ENGASE: variants seen among roughly 807,000 people sequenced by gnomAD.
The protein encoded by ENGASE is cytosolic endo-beta-N-acetylglucosaminidase.
ENGASE carries 69 observed loss-of-function variants against 78.5 expected under a neutral mutation model. The observed-to-expected ratio is 0.88, with a 90% CI of 0.72 to 1.07. The LOEUF (loss-of-function observed/expected upper bound fraction) is 1.07, where lower values mean the gene tolerates loss of function less well. Ranked by LOEUF, ENGASE falls within the 50% of genes least tolerant of loss-of-function variation. The probability of loss-of-function intolerance (pLI) is 0.00; values close to 1 mark genes in which losing one functional copy is unlikely to be tolerated. For synonymous variants in ENGASE, 408 were observed against 408.9 expected (o/e 1.00, Z 0.03); for missense variants, 943 against 988.4 (o/e 0.95, Z 0.62).
intron 5 of ENGASE, among the ~76,000 whole-genome samples, 180 bp downstream of exon 5, chr17:79,080,544 G>A (rs987813000): frequency 5.3e-5 from 8 of 152,246 alleles, no homozygotes; most frequent in African/African-American, 1.9e-4. Context: ...CAGTGAGACA[G>A]AATCTCCTCC....
rs957005218 is a variant in ENGASE at position 79,077,706 on chromosome 17, C to T, written c.258C>T (p.Tyr86=). Residue 86 remains tyrosine (Y), a synonymous_variant, in exon 3 of 14, where the codon TAC becomes TAT. Transcript: ENST00000579016. Reference sequence around the variant, plus strand: ...ACACCACCAAACCAATCAGCTTTTACTTGTCTTCGCTGGAGGAGCTCTTGG... The same window carrying T: ...ACACCACCAAACCAATCAGCTTTTATTTGTCTTCGCTGGAGGAGCTCTTGG... The part of the protein sequence containing the change: ...DKDTTKPISF[Y]LSSLEELLAW... 6.2e-7 allele frequency: 1 copy of T among 1,614,116 alleles called. No individual in the cohort carries two copies. The highest frequency in any genetic ancestry group is 1.3e-5 in the African/African-American group (1 of 74,956).
rs2073302002 is a variant in ENGASE at position 79,086,179 on chromosome 17, G to A, written c.2062G>A (p.Gly688Arg). The A allele has an allele frequency of 6.2e-7, 1 of 1,613,764 alleles. No homozygotes were observed. The highest frequency in any genetic ancestry group is 8.5e-7 in the Non-Finnish European group (1 of 1,180,034). Residue 688 changes from glycine to arginine, a missense_variant, in exon 14 of 14, where the codon GGG becomes AGG. Physicochemically the swap from Gly to Arg is moderately radical, Grantham distance 125. Transcript: ENST00000579016. Reference protein sequence around the residue: ...LPRPEMPMFLGLAFATQYRIV... With the variant: ...LPRPEMPMFLRLAFATQYRIV... ...GAGGCCAGAGATGCCCATGTTCCTG[G>A]GGTTGGCTTTTGCCACCCAGTACCG... is the stretch of plus-strand genomic sequence containing the variant.
At position 79,083,425 on chromosome 17, in the gene ENGASE, A is replaced by C. The variant is rs1784131148; in HGVS notation, c.1143-57A>C. 2.2e-6 allele frequency: 3 copies of C among 1,368,802 alleles called. No individual in the cohort carries two copies. The South Asian group carries it at 3.7e-5, about 17-fold the overall frequency. The allele number at this position is 1,368,802 out of a possible 1,614,324, so 84.8% of individuals were successfully genotyped here. ...GTTTCCACCAGCAAGTTTGAGGGAC[A>C]CTGAGAGGCTCCCTCCCTTCCTCCG... On this transcript the variant is annotated intron_variant, in intron 8 of 13. Transcript: ENST00000579016. This position sits in a 1 kb window ranked among gnomAD's most constrained non-coding sequence, Gnocchi z 4.9.
Position 79,085,085 on chromosome 17 carries a change from G to A in ENGASE, c.1592-149G>A, listed in dbSNP as rs1382721561. The A allele has an allele frequency of 6.9e-6, 5 of 720,890 alleles. No homozygotes were observed. In the East Asian group the frequency reaches 8.0e-5, roughly 12 times the overall value. 44.7% of individuals were successfully genotyped at this position (720,890 alleles called of 1,614,324 possible). On this transcript the variant is annotated intron_variant, in intron 11 of 13. Coordinates refer to ENST00000579016, the MANE Select transcript of ENGASE (RefSeq NM_001042573.3). The stretch of plus-strand genomic sequence containing the variant: ...CGCATTTCCTTCACCGAGCTCCTCC[G>A]GAGTCCTTGCTGGTTGCTTCTTGGG...
At position 79,085,916 on chromosome 17, in the gene ENGASE, G is replaced by T. The variant is rs775950166; in HGVS notation, c.1816-17G>T. On this transcript the variant is annotated splice_polypyrimidine_tract_variant and intron_variant, in intron 13 of 13. Transcript: ENST00000579016. ...GCCCCCGGGCGTCCAGCCGTGCTGA[G>T]CCTTCTCTCCTGCCAGGTGGTGGAC... The T allele has an allele frequency of 6.3e-7, 1 of 1,587,784 alleles. No homozygotes were observed. The highest frequency in any genetic ancestry group is 8.5e-7 in the Non-Finnish European group (1 of 1,171,270).
rs1435489689 is a variant in ENGASE, at chr17:79,081,018, A to C, written c.817A>C (p.Ser273Arg). The C allele has an allele frequency of 2.5e-6, 4 of 1,611,474 alleles. No individual in the cohort carries two copies. Among genetic ancestry groups the C allele is most frequent in the Admixed American group, 3.3e-5 (2 of 59,932 alleles). The change falls in exon 6 of 14, where the codon AGC (serine) becomes CGC (arginine). Residue 273 changes from serine to arginine, a missense_variant. Transcript: ENST00000579016. ...AGGGGGCCTGGTGCTCTGGTATGAC[A>C]GCGTGGTGCAAAGTGGGCAGCTCAA... ...VPGGLVLWYD[S>R]VVQSGQLKWQ...
rs2073297826 is a variant in ENGASE, at chr17:79,086,106, C to T, written c.1989C>T (p.Ile663=). The part of the protein sequence containing the change: ...FLLSQVRCFR[I]HCWGGMSDDS... ...TCTCACAAGTCCGTTGCTTCCGAATCCACTGCTGGGGAGGGATGAGTGATG... is the reference window on the plus strand; with the variant it reads ...TCTCACAAGTCCGTTGCTTCCGAATTCACTGCTGGGGAGGGATGAGTGATG... Residue 663 remains isoleucine (I), a synonymous_variant, in exon 14 of 14, where the codon ATC becomes ATT. Coordinates refer to ENST00000579016, the MANE Select transcript of ENGASE (RefSeq NM_001042573.3). The T allele has an allele frequency of 1.2e-6, 2 of 1,613,716 alleles. No individual in the cohort carries two copies. Among genetic ancestry groups the T allele is most frequent in the South Asian group, 1.1e-5 (1 of 91,088 alleles).
At position 79,080,190 on chromosome 17, in the gene ENGASE, C is replaced by T; in HGVS notation, c.566-17C>T. 6.4e-7 allele frequency: 1 copy of T among 1,564,336 alleles called. No homozygotes were observed. Among genetic ancestry groups the T allele is most frequent in the Middle Eastern group, 1.7e-4 (1 of 5,910 alleles). ...GTGATTCCCGTGGCTGACCTTGTTT[C>T]TCTCCTATCCTCACAGGGACTTTCA... On this transcript the variant is annotated splice_polypyrimidine_tract_variant and intron_variant, in intron 4 of 13. Transcript: ENST00000579016.
rs1291488419 is a variant in ENGASE at position 79,086,365 on chromosome 17, G to A, written c.*16G>A. On this transcript the variant is annotated 3_prime_UTR_variant, in exon 14 of 14. Coordinates refer to ENST00000579016, the MANE Select transcript of ENGASE (RefSeq NM_001042573.3). Reference sequence around the variant, plus strand: ...CCCTGCATGAGCGGATGCTAAGGCCGGGTGGTCTCCTGGCCTCGGGCTGAG... The same window carrying A: ...CCCTGCATGAGCGGATGCTAAGGCCAGGTGGTCTCCTGGCCTCGGGCTGAG... The A allele has an allele frequency of 6.3e-6, 10 of 1,599,428 alleles. No individual in the cohort carries two copies. The highest frequency in any genetic ancestry group is 1.7e-5 in the Admixed American group (1 of 59,568).
intron 1 of ENGASE, 88 bp downstream of exon 1, chr17:79,075,178 C>CG: frequency 8.5e-7 from 1 of 1,172,604 alleles, no homozygotes; most frequent in Non-Finnish European, 1.1e-6. Context: ...ACGGGCGCGC[C>CG]GAGGGGCGGG....
chr17:79,082,334 G>A (rs1420765417), intron 7 of ENGASE: 10 of 1,328,936 alleles, frequency 7.5e-6, no homozygotes, highest in South Asian at 1.5e-5. Context: ...CCCGCTGTCC[G>A]GTCCTCGGCG....
At position 79,074,997 on chromosome 17, in the gene ENGASE, G is replaced by GGCAGCT; in HGVS notation, c.58_63dup (p.Leu20_Gln21dup). The GGCAGCT allele has an allele frequency of 1.6e-6, 2 of 1,216,480 alleles. No homozygotes were observed. The highest frequency in any genetic ancestry group is 2.1e-6 in the Non-Finnish European group (2 of 974,950). 75.4% of individuals were successfully genotyped at this position (1,216,480 alleles called of 1,614,324 possible). A position where few individuals can be genotyped will look rare whatever the true frequency, so the allele number is the denominator to read the frequency against. On this transcript the variant is annotated inframe_insertion, in exon 1 of 14. Coordinates refer to ENST00000579016, the MANE Select transcript of ENGASE (RefSeq NM_001042573.3). Reference sequence around the variant, plus strand: ...CGGTCGGCTACACGGCGGCGGCGGCGGCAGCTGCAGGGGCTGGCGGCCCCG... The same window carrying GGCAGCT: ...CGGTCGGCTACACGGCGGCGGCGGCGGCAGCTGCAGCTGCAGGGGCTGGCGGCCCCG...
intron 6 of ENGASE, among the ~76,000 whole-genome samples, chr17:79,081,393 T>G (rs1294349558): frequency 1.3e-5 from 2 of 152,040 alleles, no homozygotes; most frequent in African/African-American, 4.8e-5. Flanking sequence ...CCCCAGCTAC[T>G]CGGGAGGCTG....
At position 79,086,490 on chromosome 17, in the gene ENGASE, G is replaced by C; in HGVS notation, c.*141G>C. On this transcript the variant is annotated 3_prime_UTR_variant, in exon 14 of 14. Coordinates refer to ENST00000579016, the MANE Select transcript of ENGASE (RefSeq NM_001042573.3). ...CCGGGGCTGGGGTGGGAGACCCCGG[G>C]CTGAGTGCTGTGGCTTTCTGGTGGG... 1.9e-6 allele frequency: 2 copies of C among 1,033,662 alleles called. No homozygotes were observed. Among genetic ancestry groups the C allele is most frequent in the Non-Finnish European group, 2.7e-6 (2 of 733,140 alleles). 64.0% of individuals were successfully genotyped at this position (1,033,662 alleles called of 1,614,324 possible). A position where few individuals can be genotyped will look rare whatever the true frequency, so the allele number is the denominator to read the frequency against.
chr17:79,085,377 C>A, intron 12 of ENGASE, 35 bp downstream of exon 12: 1 of 1,528,460 alleles, frequency 6.5e-7, no homozygotes, highest in Non-Finnish European at 8.9e-7. Flanking sequence ...CCTTCTCCCT[C>A]ACTCAAGTCT....
At position 79,079,587 on chromosome 17, in the gene ENGASE, C is replaced by G. The variant is rs148385630; in HGVS notation, c.515C>G (p.Pro172Arg). The change falls in exon 4 of 14, where the codon CCC becomes CGC. Residue 172 changes from proline (P) to arginine (R), a missense_variant. Physicochemically the swap from Pro to Arg is moderately radical, Grantham distance 103. Transcript: ENST00000579016. ...TTCAGCCACCACACCGTCACCATTC[C>G]CCCAGTGGGCTGGACCAACACTGCC... ...VYFSHHTVTI[P>R]PVGWTNTAHR... The G allele has an allele frequency of 3.7e-6, 6 of 1,614,066 alleles. No individual in the cohort carries two copies. Among genetic ancestry groups the G allele is most frequent in the Non-Finnish European group, 5.1e-6 (6 of 1,180,008 alleles).
chr17:79,077,720 AG>A lies in ENGASE; in HGVS notation c.274del (p.Glu92SerfsTer27). On this transcript the variant is annotated frameshift_variant, in exon 3 of 14. Transcript: ENST00000579016. LOFTEE classifies it high-confidence loss of function. ...KPISFYLSSL[E>X]ELLAWKPRLE... The stretch of plus-strand genomic sequence containing the variant: ...ATCAGCTTTTACTTGTCTTCGCTGG[AG>A]GAGCTCTTGGCGTGGAAGCCCCGCT... 6.2e-7 allele frequency: 1 copy of A among 1,614,214 alleles called. No homozygotes were observed. Among genetic ancestry groups the A allele is most frequent in the Non-Finnish European group, 8.5e-7 (1 of 1,180,046 alleles).
rs370445975 is a variant in ENGASE, at chr17:79,077,652, C to G, written c.215-11C>G. The G allele has an allele frequency of 1.9e-6, 3 of 1,613,798 alleles. No homozygotes were observed. Among genetic ancestry groups the G allele is most frequent in the Non-Finnish European group, 2.5e-6 (3 of 1,179,878 alleles). ...TCCATTAATTGCTCAATGTTTCTGT[C>G]CTCGGACCAGTTAGATATTATGACA... On this transcript the variant is annotated splice_polypyrimidine_tract_variant and intron_variant, in intron 2 of 13. Transcript: ENST00000579016.
Position 79,075,088 on chromosome 17 carries a change from G to T in ENGASE, c.144G>T (p.Arg48Ser). The change falls in exon 1 of 14, where the codon AGG (arginine) becomes AGT (serine). Residue 48 changes from arginine (R) to serine (S), a missense_variant and splice_region_variant. By Grantham distance (110) the Arg-to-Ser change is moderately radical. Coordinates refer to ENST00000579016, the MANE Select transcript of ENGASE (RefSeq NM_001042573.3). ...GGCCGCGGCGGCGGCGGCCGGGAAG[G>T]AGGTGGGGCTGCGGGGCCCGCGTGA... ...EPRPRRRRPG[R>S]SIKDEEEETV... 9 of 1,208,048 alleles carry T rather than the reference G, an allele frequency of 7.5e-6. No homozygotes were observed. The highest frequency in any genetic ancestry group is 9.3e-6 in the Non-Finnish European group (9 of 971,906). The allele number at this position is 1,208,048 out of a possible 1,614,324, so 74.8% of individuals were successfully genotyped here.
Sources: gnomAD v4.1 joint callset for allele counts (sites outside exome capture counted in the v4.1 genomes callset) on GRCh38, gnomAD v4.1.1 for gene constraint, Gnocchi (gnomAD v3.1) non-coding constraint, MANE v1.5 for transcripts, NCBI Gene and HGNC (gene_info 2026-07-23, HGNC 2026-07-21) for gene names.